The following ROBO2 variants were observed in gnomAD, a reference collection of about 807,000 sequenced individuals.
The protein encoded by ROBO2 is roundabout guidance receptor 2, also known as roundabout homolog 2.
ROBO2 carries 53 observed loss-of-function variants against 160.8 expected under a neutral mutation model. The observed-to-expected ratio is 0.33, with a 90% CI of 0.26 to 0.41. ROBO2 has a LOEUF of 0.41. Among genes scored for constraint, ROBO2 ranks in the 10% least tolerant of loss-of-function variants. The pLI is 1.00. For synonymous variants in ROBO2, 664 were observed against 611.7 expected (o/e 1.09, Z -1.26); for missense variants, 1,577 against 1,722.4 (o/e 0.92, Z 1.49).
At chr3:77,483,146 G>A (rs2084906079) in intron 4 of ROBO2, among the ~76,000 whole-genome samples, 1 of 152,138 alleles carries the variant, frequency 6.6e-6, no homozygotes, top group African/African-American at 2.4e-5. Context: ...AACGGAGAAT[G>A]TTTATTAGAT....
At chr3:77,309,016 G>A (rs902929970) in intron 2 of ROBO2, among the ~76,000 whole-genome samples, 48 of 150,652 alleles carry the variant, frequency 3.2e-4, no homozygotes, top group Non-Finnish European at 4.4e-5. Flanking sequence ...CTCTACTAAT[G>A]ATGGGCATAG....
chr3:77,588,815 G>A, exon 17 of ROBO2: 1 of 1,613,610 alleles, frequency 6.2e-7, no homozygotes, highest in South Asian at 1.1e-5. Context: ...TCACTGATGT[G>A]GTGAAGCAAC....
intron 2 of ROBO2, among the ~76,000 whole-genome samples, chr3:76,468,939 T>C (rs1364859239): frequency 6.6e-6 from 1 of 152,118 alleles, no homozygotes; most frequent in East Asian, 1.9e-4. Context: ...CACGTCTCTC[T>C]TTTATTTCTA....
rs548076675 is a variant in ROBO2, at chr3:76,998,862, A to T, written c.110-99152A>T. On this transcript the variant is annotated intron_variant, in intron 2 of 26. Transcript: ENST00000487694. ...ATATTGAGGGTGTAAGCCTGATCAT[A>T]GGAAACATTTTTATTTGCTTAGTAA... 2.4e-4 allele frequency among the ~76,000 whole-genome samples: 36 copies of T among 152,322 alleles called. No homozygotes were observed. The South Asian group carries it at 6.8e-3, about 29-fold the overall frequency.
intron 2 of ROBO2, among the ~76,000 whole-genome samples, chr3:76,039,110 G>GT (rs1419730309): frequency 6.6e-6 from 1 of 151,924 alleles, no homozygotes. Context: ...ACTTTGAAAT[G>GT]TTCCTCCACA....
At chr3:76,511,640 C>T (rs1406486819) in intron 2 of ROBO2, among the ~76,000 whole-genome samples, 1 of 152,062 alleles carries the variant, frequency 6.6e-6, no homozygotes, top group East Asian at 1.9e-4. Flanking sequence ...ATGAAGGATG[C>T]CATATATGCT....
intron 5 of ROBO2, among the ~76,000 whole-genome samples, chr3:77,519,763 T>C (rs2090397396): frequency 6.6e-6 from 1 of 151,366 alleles, no homozygotes; most frequent in Non-Finnish European, 1.5e-5. Flanking sequence ...GGTTTTTTGG[T>C]AAAACGATTT....
chr3:76,133,916 C>G (rs2071328877), intron 2 of ROBO2, among the ~76,000 whole-genome samples: 1 of 151,964 alleles, frequency 6.6e-6, no homozygotes, highest in Non-Finnish European at 1.5e-5. Flanking sequence ...CCCAGGAGCA[C>G]TACTTTGCAT....
intron 2 of ROBO2, among the ~76,000 whole-genome samples, chr3:77,024,556 T>C (rs928058326): frequency 1.3e-5 from 2 of 152,134 alleles, no homozygotes; most frequent in East Asian, 3.9e-4. Context: ...ATGTTAAAAC[T>C]AATGTTAGGG....
At chr3:77,145,457 A>G (rs1328214318) in intron 2 of ROBO2, among the ~76,000 whole-genome samples, 2 of 152,198 alleles carry the variant, frequency 1.3e-5, no homozygotes, top group East Asian at 1.9e-4. Flanking sequence ...TGACTTTTTT[A>G]TATGGCATGA....
intron 23 of ROBO2, among the ~76,000 whole-genome samples, chr3:77,627,195 A>G (rs967181497): frequency 6.6e-6 from 1 of 152,168 alleles, no homozygotes; most frequent in Non-Finnish European, 1.5e-5. Flanking sequence ...TCTGAGTGAA[A>G]CAAGGTATCA....
At chr3:77,347,974 C>T (rs1239566398) in intron 2 of ROBO2, among the ~76,000 whole-genome samples, 1 of 152,112 alleles carries the variant, frequency 6.6e-6, no homozygotes, top group Non-Finnish European at 1.5e-5. Flanking sequence ...AAGAGTTCTA[C>T]TTTTCTTCCT....
intron 2 of ROBO2, among the ~76,000 whole-genome samples, chr3:76,332,026 G>A (rs1057371852): frequency 6.6e-6 from 1 of 152,122 alleles, no homozygotes; most frequent in Non-Finnish European, 1.5e-5. Flanking sequence ...TTGTTGTCAT[G>A]TGTGTATTAC....
chr3:77,055,881 G>C (rs998245035), intron 1 of ROBO2, among the ~76,000 whole-genome samples: 1 of 152,170 alleles, frequency 6.6e-6, no homozygotes, highest in African/African-American at 2.4e-5. Context: ...GCCAAATGAT[G>C]ATTGTCATAA....
intron 2 of ROBO2, among the ~76,000 whole-genome samples, chr3:76,202,113 A>G (rs1408234212): frequency 6.6e-6 from 1 of 152,120 alleles, no homozygotes; most frequent in Admixed American, 6.6e-5. Flanking sequence ...ATAAAAATAA[A>G]ATGCAAATCT....
chr3:76,392,648 C>A (rs573133774), intron 2 of ROBO2, among the ~76,000 whole-genome samples: 1 of 152,152 alleles, frequency 6.6e-6, no homozygotes, highest in East Asian at 1.9e-4. Flanking sequence ...AATAAAGCAA[C>A]GGTTGCCAAT....
chr3:76,978,306 G>A (rs1416688404), intron 2 of ROBO2, among the ~76,000 whole-genome samples: 4 of 151,988 alleles, frequency 2.6e-5, no homozygotes, highest in Admixed American at 6.6e-5. Context: ...TTTATGCATC[G>A]ATCTTATAGC....
At chr3:76,280,156 G>A (rs1448259218) in intron 2 of ROBO2, among the ~76,000 whole-genome samples, 2 of 151,942 alleles carry the variant, frequency 1.3e-5, no homozygotes, top group Admixed American at 6.6e-5. Flanking sequence ...TTCTGTTAAA[G>A]CGAATAGTCT....
At chr3:76,350,201 C>A (rs141189428) in intron 2 of ROBO2, among the ~76,000 whole-genome samples, 50 of 152,068 alleles carry the variant, frequency 3.3e-4, no homozygotes, top group African/African-American at 1.0e-3. Context: ...TTAAACTTTT[C>A]TTCTTGGGAT....
Sources: allele counts gnomAD v4.1 joint callset (sites outside exome capture counted in the v4.1 genomes callset), GRCh38; gene constraint gnomAD v4.1.1; transcripts MANE v1.5; gene names NCBI Gene and HGNC (gene_info 2026-07-23, HGNC 2026-07-21).